CEMIP2: variants seen among roughly 807,000 people sequenced by gnomAD.
The protein encoded by CEMIP2 is cell surface hyaluronidase CEMIP2.
In CEMIP2, 79 loss-of-function variants were observed where a neutral mutation model predicts 146.9. The ratio of observed to expected loss-of-function variants is 0.54; its 90% confidence interval spans 0.45 to 0.65. The LOEUF (loss-of-function observed/expected upper bound fraction) is 0.65, where lower values mean the gene tolerates loss of function less well. Ranked by LOEUF, CEMIP2 falls within the 30% of genes least tolerant of loss-of-function variation. The pLI is 0.00. For synonymous variants in CEMIP2, 601 were observed against 606.3 expected, an observed-to-expected ratio of 0.99 and a Z score of 0.13; for missense variants, 1,596 against 1,696.2, an observed-to-expected ratio of 0.94 and a Z score of 1.04.
intron 10 of CEMIP2, 124 bp from the exon 11 acceptor site, chr9:71,725,833 G>A: frequency 9.2e-7 from 1 of 1,085,876 alleles, no homozygotes; most frequent in Non-Finnish European, 1.3e-6. Context: ...CATTATTGCA[G>A]GTTCAGAATT....
chr9:71,715,708 T>C (rs1340773302), intron 14 of CEMIP2, among the ~76,000 whole-genome samples: 3 of 148,382 alleles, frequency 2.0e-5, no homozygotes, highest in African/African-American at 4.9e-5. Context: ...GCAGCAACCT[T>C]GAACTCGAGC....
intron 19 of CEMIP2, among the ~76,000 whole-genome samples, chr9:71,700,117 A>C (rs1822518194): frequency 6.6e-6 from 1 of 152,224 alleles, no homozygotes; most frequent in South Asian, 2.1e-4. Context: ...GAGAGACTGT[A>C]ACTGGGTAAA....
chr9:71,738,727 A>G (rs756341318), intron 5 of CEMIP2, among the ~76,000 whole-genome samples: 1 of 151,858 alleles, frequency 6.6e-6, no homozygotes, highest in East Asian at 2.0e-4. Context: ...AACACCAGCT[A>G]TTTGGGAGGC....
chr9:71,721,977 C>T (rs1823243917), intron 12 of CEMIP2, among the ~76,000 whole-genome samples: 1 of 152,182 alleles, frequency 6.6e-6, no homozygotes, highest in Admixed American at 6.5e-5. Flanking sequence ...AACCAGGTTG[C>T]TCATCAAATT....
chr9:71,750,202 C>A lies in CEMIP2; in HGVS notation c.172G>T (p.Ala58Ser). 1 of 1,614,072 alleles carries A rather than the reference C, an allele frequency of 6.2e-7. No homozygotes were observed. The highest frequency in any genetic ancestry group is 8.5e-7 in the Non-Finnish European group (1 of 1,179,996). Reference sequence around the variant, plus strand: ...TCTTCAGGTGAGAATGCGAAGGTTGCCCGGTCTTCTCGTCTGATGGAGGTA... The same window carrying A: ...TCTTCAGGTGAGAATGCGAAGGTTGACCGGTCTTCTCGTCTGATGGAGGTA... Reference protein sequence around the residue: ...KFTSIRREDRATFAFSPEEQQ... With the variant: ...KFTSIRREDRSTFAFSPEEQQ... Residue 58 changes from alanine (A) to serine (S), a missense_variant, in exon 2 of 24, where the codon GCA becomes TCA. Ala to Ser is a moderately conservative substitution (Grantham distance 99, BLOSUM62 1). Coordinates refer to ENST00000377044, the MANE Select transcript of CEMIP2 (RefSeq NM_013390.3).
intron 12 of CEMIP2, among the ~76,000 whole-genome samples, chr9:71,719,763 C>T (rs549085405): frequency 1.5e-4 from 21 of 143,736 alleles, no homozygotes; most frequent in Middle Eastern, 7.9e-3. Context: ...TAGTTCCTGC[C>T]AAACAGCTTT....
intron 12 of CEMIP2, among the ~76,000 whole-genome samples, chr9:71,719,908 T>C (rs1823185100): frequency 6.7e-6 from 1 of 148,808 alleles, no homozygotes; most frequent in Non-Finnish European, 1.5e-5. Context: ...CCATCTCAAC[T>C]TCTCTGAACT....
At chr9:71,740,030 TGTC>T (rs775395256) in intron 5 of CEMIP2, 30 bp downstream of exon 5, 2 of 1,587,164 alleles carry the variant, frequency 1.3e-6, no homozygotes, top group East Asian at 4.5e-5. Flanking sequence ...TACTTATCAG[TGTC>T]TTACAAGAGT....
At chr9:71,744,350 G>T (rs944180016) in intron 4 of CEMIP2, among the ~76,000 whole-genome samples, 9 of 152,022 alleles carry the variant, frequency 5.9e-5, no homozygotes, top group African/African-American at 1.9e-4. Flanking sequence ...ACTCCAGCTC[G>T]GGCAACGGGG....
chr9:71,744,429 T>G (rs189873103), intron 4 of CEMIP2, among the ~76,000 whole-genome samples: 2 of 150,854 alleles, frequency 1.3e-5, no homozygotes, highest in African/African-American at 4.8e-5. Context: ...CAGAAATGAA[T>G]TCTACTATCT....
chr9:71,714,370 T>TGATGATGATGATGAC (rs1822990397), intron 15 of CEMIP2, among the ~76,000 whole-genome samples: 1 of 151,996 alleles, frequency 6.6e-6, no homozygotes, highest in African/African-American at 2.4e-5. Context: ...GACTCTGTGA[T>TGATGATGATGATGAC]GATGATGACA....
intron 10 of CEMIP2, 47 bp from the exon 11 acceptor site, chr9:71,725,756 A>G: frequency 3.8e-6 from 6 of 1,577,210 alleles, no homozygotes; most frequent in Non-Finnish European, 5.2e-6. Context: ...TTATACAGAT[A>G]TCTATGAAAC....
chr9:71,740,327 A>C, intron 4 of CEMIP2, 95 bp from the exon 5 acceptor site: 4 of 1,449,072 alleles, frequency 2.8e-6, no homozygotes, highest in Non-Finnish European at 3.7e-6. Flanking sequence ...TTTAATTCTC[A>C]TATTTCATTT....
chr9:71,746,261 C>T lies in CEMIP2; in HGVS notation c.412G>A (p.Gly138Arg), dbSNP rs201083282. 87 of 1,613,832 alleles carry T rather than the reference C, an allele frequency of 5.4e-5. No individual in the cohort carries two copies. The highest frequency in any genetic ancestry group is 7.3e-5 in the Non-Finnish European group (86 of 1,179,890). ...DSAKQVVIKE[G>R]DMLRLTSDAT... is the part of the protein sequence containing the mutation. The stretch of plus-strand genomic sequence containing the variant: ...TCTGAGGTCAGACGGAGCATATCTC[C>T]CTCCTTGATAACAACTTGCTTTGCA... Residue 138 changes from glycine (G) to arginine (R), a missense_variant, in exon 3 of 24, where the codon GGA becomes AGA. Coordinates refer to ENST00000377044, the MANE Select transcript of CEMIP2 (RefSeq NM_013390.3).
chr9:71,703,277 G>C (rs1190212744), intron 18 of CEMIP2, among the ~76,000 whole-genome samples: 1 of 152,210 alleles, frequency 6.6e-6, no homozygotes, highest in Non-Finnish European at 1.5e-5. Context: ...TGAGGGAAAA[G>C]GAAGAGACAG....
At chr9:71,754,574 A>G (rs1026641936) in intron 1 of CEMIP2, among the ~76,000 whole-genome samples, 2 of 152,308 alleles carry the variant, frequency 1.3e-5, no homozygotes, top group South Asian at 4.1e-4. Context: ...TAGACAAACT[A>G]CAGACTGTGA....
At chr9:71,703,478 T>C (rs1822635621) in intron 18 of CEMIP2, among the ~76,000 whole-genome samples, 1 of 152,240 alleles carries the variant, frequency 6.6e-6, no homozygotes, top group Non-Finnish European at 1.5e-5. Flanking sequence ...TTCTTAAAGC[T>C]GAATTCCTAC....
rs199689486 is a variant in CEMIP2 at position 71,734,893 on chromosome 9, C to G, written c.1306G>C (p.Ala436Pro). 2.4e-5 allele frequency: 38 copies of G among 1,613,876 alleles called. No individual in the cohort carries two copies. Among genetic ancestry groups the G allele is most frequent in the Non-Finnish European group, 1.6e-5 (19 of 1,180,000 alleles). Residue 436 changes from alanine (A) to proline (P), a missense_variant, in exon 6 of 24, where the codon GCA becomes CCA. Transcript: ENST00000377044. ...SWKPGDQIVVASTDYSMYQAE... is the reference protein window; with the variant it reads ...SWKPGDQIVVPSTDYSMYQAE... ...TGGTACATGGAATAGTCTGTGCTTGCGACCACAATCTGGTCTCCAGGTTTC... is the reference window on the plus strand; with the variant it reads ...TGGTACATGGAATAGTCTGTGCTTGGGACCACAATCTGGTCTCCAGGTTTC...
At chr9:71,735,855 G>A (rs1398151269) in intron 5 of CEMIP2, among the ~76,000 whole-genome samples, 2 of 152,186 alleles carry the variant, frequency 1.3e-5, no homozygotes, top group Non-Finnish European at 2.9e-5. Flanking sequence ...CACTTTGGGA[G>A]GCCGATGCCA....
Sources: allele counts gnomAD v4.1 joint callset (sites outside exome capture counted in the v4.1 genomes callset), GRCh38; gene constraint gnomAD v4.1.1; transcripts MANE v1.5; gene names NCBI Gene and HGNC (gene_info 2026-07-23, HGNC 2026-07-21).